Variants in WDR70 observed in about 807,000 individuals in gnomAD.
WDR70 encodes WD repeat-containing protein 70.
In WDR70, 53 loss-of-function variants were observed where a neutral mutation model predicts 88.6. That is an observed-to-expected ratio of 0.60 (90% CI 0.48 to 0.75). The LOEUF (loss-of-function observed/expected upper bound fraction) is 0.75, where lower values mean the gene tolerates loss of function less well. WDR70 is among the 30% of genes least tolerant of loss of function. WDR70 has a pLI of 0.00. For missense variants in WDR70, 610 were observed against 823.2 expected (o/e 0.74, Z 3.17); for synonymous variants, 280 against 270.0 (o/e 1.04, Z -0.36).
intron 7 of WDR70, among the ~76,000 whole-genome samples, chr5:37,470,240 A>G (rs1193171860): frequency 3.9e-5 from 6 of 152,190 alleles, no homozygotes; most frequent in African/African-American, 1.4e-4. Context: ...CTAGCCTTCA[A>G]GGATTAAATT....
intron 8 of WDR70, among the ~76,000 whole-genome samples, chr5:37,495,502 G>T (rs1012569604): frequency 1.9e-4 from 29 of 151,788 alleles, no homozygotes; most frequent in African/African-American, 7.0e-4. Flanking sequence ...GTGTGTGTGT[G>T]TTTTGAGGAA....
At chr5:37,506,373 C>G in intron 8 of WDR70, 1 of 803,784 alleles carries the variant, frequency 1.2e-6, no homozygotes, top group Non-Finnish European at 2.2e-6. Flanking sequence ...TAAATTAATG[C>G]CATCATTTAC....
intron 8 of WDR70, chr5:37,506,567 C>T: frequency 1.3e-6 from 1 of 773,644 alleles, no homozygotes; most frequent in South Asian, 1.3e-5. Context: ...TAAAGTACCT[C>T]CCTCCAACAT....
chr5:37,499,780 T>A (rs1235630901), intron 8 of WDR70, among the ~76,000 whole-genome samples: 1 of 152,008 alleles, frequency 6.6e-6, no homozygotes, highest in Non-Finnish European at 1.5e-5. Context: ...CTTGAACTCC[T>A]GGGCTCAAGC....
intron 13 of WDR70, 90 bp downstream of exon 13, chr5:37,703,177 G>T: frequency 1.3e-6 from 2 of 1,498,804 alleles, no homozygotes; most frequent in Non-Finnish European, 9.1e-7. Flanking sequence ...TAGAATATAA[G>T]CCCTGGCCCT....
chr5:37,487,627 ATTTTTTT>A (rs70978825), intron 8 of WDR70, among the ~76,000 whole-genome samples: 4 of 69,070 alleles, frequency 5.8e-5, no homozygotes, highest in African/African-American at 1.0e-4. Flanking sequence ...ATATATATGT[ATTTTTTT>A]TTTTTTTTTT....
At chr5:37,420,282 A>G (rs991990361) in intron 5 of WDR70, among the ~76,000 whole-genome samples, 4 of 152,220 alleles carry the variant, frequency 2.6e-5, no homozygotes, top group African/African-American at 9.7e-5. Context: ...ACTCCTCTAA[A>G]TATTAATGAA....
In WDR70 at chr5:37,701,120, G is replaced by C. The variant is rs765923466; in HGVS notation, c.1255G>C (p.Gly419Arg). 1.2e-6 allele frequency: 2 copies of C among 1,609,460 alleles called. No homozygotes were observed. The highest frequency in any genetic ancestry group is 1.7e-6 in the Non-Finnish European group (2 of 1,176,418). Residue 419 changes from glycine (G) to arginine (R), a missense_variant, in exon 12 of 18, where the codon GGT becomes CGT. Gly to Arg is a moderately radical substitution (Grantham distance 125). Transcript: ENST00000265107. ...QFNKPLFSAS[G>R]LPTMFPMTDC... ...TAATAAACCACTTTTTTCAGCCTCG[G>C]GTCTTCCCACCATGTTCCCAATGTA...
At chr5:37,406,473 C>T (rs1464258350) in intron 5 of WDR70, among the ~76,000 whole-genome samples, 1 of 152,178 alleles carries the variant, frequency 6.6e-6, no homozygotes, top group Admixed American at 6.6e-5. Flanking sequence ...GTTCTGGAGC[C>T]AGATAGGGCT....
intron 5 of WDR70, among the ~76,000 whole-genome samples, chr5:37,398,376 C>T (rs993780774): frequency 2.7e-5 from 4 of 150,054 alleles, no homozygotes; most frequent in African/African-American, 4.9e-5. Flanking sequence ...TGAGCCACTG[C>T]GCCCGGCCGC....
chr5:37,475,322 C>A (rs10473046), intron 7 of WDR70, among the ~76,000 whole-genome samples: 5,765 of 152,240 alleles, frequency 0.038, 375 homozygotes, highest in African/African-American at 0.13. Flanking sequence ...ACAACCTCCA[C>A]CTCCCAGGTT....
chr5:37,612,420 T>C (rs542264160), intron 10 of WDR70, among the ~76,000 whole-genome samples: 2 of 152,272 alleles, frequency 1.3e-5, no homozygotes, highest in South Asian at 2.1e-4. Context: ...TTTCCTAAGC[T>C]CTGTTCTTCT....
intron 14 of WDR70, 182 bp downstream of exon 14, chr5:37,721,397 G>A: frequency 1.7e-6 from 1 of 599,202 alleles, no homozygotes; most frequent in Non-Finnish European, 2.9e-6. Flanking sequence ...TTTGAATATT[G>A]CCCTTGATCC....
chr5:37,675,449 T>G (rs1254052197), intron 10 of WDR70, among the ~76,000 whole-genome samples: 1 of 152,308 alleles, frequency 6.6e-6, no homozygotes, highest in South Asian at 2.1e-4. Flanking sequence ...GCTTTCTACA[T>G]ATGGCTAGCC....
intron 9 of WDR70, among the ~76,000 whole-genome samples, chr5:37,572,295 G>A (rs1038497690): frequency 6.6e-6 from 1 of 151,956 alleles, no homozygotes; most frequent in Non-Finnish European, 1.5e-5. Flanking sequence ...GACTGGGAAA[G>A]CCTTGGTATA....
intron 7 of WDR70, among the ~76,000 whole-genome samples, chr5:37,470,223 G>T (rs1452637571): frequency 6.6e-6 from 1 of 151,982 alleles, no homozygotes; most frequent in Non-Finnish European, 1.5e-5. Context: ...TTTATTCTGA[G>T]AATTTTCTAG....
chr5:37,511,620 C>T (rs1306662008), intron 8 of WDR70, among the ~76,000 whole-genome samples: 1 of 152,114 alleles, frequency 6.6e-6, no homozygotes, highest in East Asian at 1.9e-4. Flanking sequence ...TCTTAACATA[C>T]AGAATTAGAG....
intron 5 of WDR70, among the ~76,000 whole-genome samples, chr5:37,437,453 T>G (rs1253326412): frequency 6.6e-6 from 1 of 152,154 alleles, no homozygotes; most frequent in Admixed American, 6.5e-5. Context: ...AATTATTATT[T>G]TATACATAGG....
chr5:37,727,447 G>A (rs1748006671), intron 17 of WDR70, among the ~76,000 whole-genome samples: 1 of 152,180 alleles, frequency 6.6e-6, no homozygotes, highest in South Asian at 2.1e-4. Flanking sequence ...TAACACTGCA[G>A]AGTAGATCCT....
Sources: gnomAD v4.1 joint callset for allele counts (sites outside exome capture counted in the v4.1 genomes callset) on GRCh38, gnomAD v4.1.1 for gene constraint, MANE v1.5 for transcripts, NCBI Gene and HGNC (gene_info 2026-07-23, HGNC 2026-07-21) for gene names.